The following HIVEP2 variants were observed in gnomAD, a reference collection of about 807,000 sequenced individuals.
HIVEP2 encodes transcription factor HIVEP2.
A neutral mutation model predicts 180.7 loss-of-function variants in HIVEP2; 14 were observed. That is an observed-to-expected ratio of 0.08 (90% CI 0.05 to 0.12). The LOEUF (loss-of-function observed/expected upper bound fraction) is 0.12, where lower values mean the gene tolerates loss of function less well. HIVEP2 is among the 10% of genes least tolerant of loss of function. The probability of loss-of-function intolerance (pLI) is 1.00; values close to 1 mark genes in which losing one functional copy is unlikely to be tolerated. For synonymous variants in HIVEP2, 1,184 were observed against 1,136.4 expected (o/e 1.04, Z -0.84); for missense variants, 2,579 against 3,008.5 (o/e 0.86, Z 3.34).
intron 1 of HIVEP2, among the ~76,000 whole-genome samples, chr6:142,907,157 T>C (rs1337171771): frequency 2.0e-5 from 3 of 152,250 alleles, no homozygotes; most frequent in Admixed American, 6.5e-5. Context: ...GCCCAAGTGC[T>C]TAAAAAGTTT....
chr6:142,800,053 A>T (rs1242674236), intron 2 of HIVEP2, among the ~76,000 whole-genome samples: 1 of 152,162 alleles, frequency 6.6e-6, no homozygotes, highest in East Asian at 1.9e-4. Flanking sequence ...TAAGCAGCAA[A>T]TATTTTCCCT....
intron 1 of HIVEP2, among the ~76,000 whole-genome samples, chr6:142,867,675 T>C (rs1776174614): frequency 6.6e-6 from 1 of 152,194 alleles, no homozygotes; most frequent in Non-Finnish European, 1.5e-5. Context: ...AAAGTTTTCC[T>C]GAGCCAATCA....
At chr6:142,923,057 G>C (rs1043138153) in intron 1 of HIVEP2, among the ~76,000 whole-genome samples, 14 of 152,282 alleles carry the variant, frequency 9.2e-5, no homozygotes, top group African/African-American at 2.9e-4. Flanking sequence ...ATTTAGGCCA[G>C]GCGCGGTGGC....
chr6:142,768,848 G>T (rs912252578), intron 5 of HIVEP2, among the ~76,000 whole-genome samples: 1 of 152,062 alleles, frequency 6.6e-6, no homozygotes, highest in Non-Finnish European at 1.5e-5. Context: ...ATGTTTTGAA[G>T]TAGCAATGAA....
rs13213780 is a variant in HIVEP2 at position 142,771,850 on chromosome 6, G to A, written c.2889C>T (p.Leu963=). 6.2e-7 allele frequency: 1 copy of A among 1,614,256 alleles called. No homozygotes were observed. Among genetic ancestry groups the A allele is most frequent in the South Asian group, 1.1e-5 (1 of 91,088 alleles). Reference sequence around the variant, plus strand: ...TGCTTTCTTGGCTGGGGCTGCGGGAGAGGCCTGTGCCTGTGGATTCAAAGC... The same window carrying A: ...TGCTTTCTTGGCTGGGGCTGCGGGAAAGGCCTGTGCCTGTGGATTCAAAGC... ...ESSFESTGTG[L]SRSPSQESNL... The change falls in exon 5 of 10, where the codon CTC becomes CTT. Residue 963 remains leucine, a synonymous_variant. Coordinates refer to ENST00000367603, the MANE Select transcript of HIVEP2 (RefSeq NM_006734.4). The surrounding 1 kb of genome is among the most constrained non-coding windows in gnomAD (Gnocchi z 5.4).
chr6:142,760,422 C>T lies in HIVEP2; in HGVS notation c.5866G>A (p.Gly1956Arg), dbSNP rs772803795. 1.5e-5 allele frequency: 24 copies of T among 1,614,114 alleles called. No individual in the cohort carries two copies. The highest frequency in any genetic ancestry group is 3.3e-4 in the Middle Eastern group (2 of 6,062). ...LPVNVGAVPH[G>R]VPSDSSLGHS... Reference sequence around the variant, plus strand: ...CCCAGGGAACTATCTGAAGGAACCCCGTGGGGTACGGCGCCAACATTCACA... The same window carrying T: ...CCCAGGGAACTATCTGAAGGAACCCTGTGGGGTACGGCGCCAACATTCACA... Residue 1956 changes from glycine (G) to arginine (R), a missense_variant, in exon 9 of 10, where the codon GGG (glycine) becomes AGG (arginine). This residue lies in a region of HIVEP2 where 660 missense variants were observed against 731.7 expected (regional missense o/e 0.90). Coordinates refer to ENST00000367603, the MANE Select transcript of HIVEP2 (RefSeq NM_006734.4).
intron 1 of HIVEP2, among the ~76,000 whole-genome samples, chr6:142,857,588 C>T (rs191642167): frequency 1.3e-5 from 2 of 152,170 alleles, no homozygotes; most frequent in African/African-American, 4.8e-5. Flanking sequence ...GAAAAACAAC[C>T]CTCTTTGCAA....
In HIVEP2 at chr6:142,783,504, A is replaced by C. The variant is rs180739237; in HGVS notation, c.-433+17T>G. 1 of 152,108 alleles carries C rather than the reference A, an allele frequency of 6.6e-6. No individual in the cohort carries two copies. The highest frequency in any genetic ancestry group is 2.4e-5 in the African/African-American group (1 of 41,434). The allele number at this position is 152,108 out of a possible 1,614,324, so 9.4% of individuals were successfully genotyped here. ...ATGTAACAAGAGAGTAAGAATAAAT[A>C]AATTTTAGTTATTAACCTGTTATCC... On this transcript the variant is annotated intron_variant, in intron 3 of 9. Coordinates refer to ENST00000367603, the MANE Select transcript of HIVEP2 (RefSeq NM_006734.4).
intron 1 of HIVEP2, among the ~76,000 whole-genome samples, chr6:142,842,505 G>C (rs1775391799): frequency 6.6e-6 from 1 of 151,036 alleles, no homozygotes; most frequent in Non-Finnish European, 1.5e-5. Context: ...TGTGTAGATA[G>C]GCAAATAAGA....
At chr6:142,918,097 T>C (rs1172360361) in intron 1 of HIVEP2, among the ~76,000 whole-genome samples, 1 of 151,786 alleles carries the variant, frequency 6.6e-6, no homozygotes, top group Admixed American at 6.6e-5. Context: ...ACAAGAACAA[T>C]GTGAGCCATG....
At chr6:142,763,932 T>C (rs1775319307) in intron 7 of HIVEP2, among the ~76,000 whole-genome samples, 2 of 152,200 alleles carry the variant, frequency 1.3e-5, no homozygotes, top group Non-Finnish European at 2.9e-5. Context: ...TAGGTATACA[T>C]TTCTCTACCA....
chr6:142,861,668 T>C (rs1200933451), intron 1 of HIVEP2, among the ~76,000 whole-genome samples: 1 of 152,202 alleles, frequency 6.6e-6, no homozygotes, highest in African/African-American at 2.4e-5. Context: ...AATCATCAAG[T>C]AAATGCCCTT....
intron 1 of HIVEP2, among the ~76,000 whole-genome samples, chr6:142,849,826 G>A (rs1020294648): frequency 3.3e-5 from 5 of 151,892 alleles, no homozygotes; most frequent in Admixed American, 6.6e-5. Flanking sequence ...GCCTAGAGTG[G>A]GTTTCTGTAA....
At chr6:142,892,328 A>G (rs1263163096) in intron 1 of HIVEP2, among the ~76,000 whole-genome samples, 2 of 152,154 alleles carry the variant, frequency 1.3e-5, no homozygotes, top group African/African-American at 4.8e-5. Flanking sequence ...GCACCTGGCT[A>G]AAAGTAGGGA....
chr6:142,772,177 C>T lies in HIVEP2; in HGVS notation c.2562G>A (p.Gly854=). 1 of 1,614,166 alleles carries T rather than the reference C, an allele frequency of 6.2e-7. No homozygotes were observed. The highest frequency in any genetic ancestry group is 1.1e-5 in the South Asian group (1 of 91,080). ...GTTTCCCCCCACTTTCTGCACCATC[C>T]CCAGGTGGAGCCCACTCAGGACTCA... ...APVSPEWAPP[G]DGAESGGKPS... Residue 854 remains glycine (G), a synonymous_variant, in exon 5 of 10, where the codon GGG becomes GGA. Coordinates refer to ENST00000367603, the MANE Select transcript of HIVEP2 (RefSeq NM_006734.4). The surrounding 1 kb of genome is among the most constrained non-coding windows in gnomAD (Gnocchi z 4.9).
At chr6:142,788,198 C>G (rs887245474) in intron 2 of HIVEP2, 3 of 152,078 alleles carry the variant, frequency 2.0e-5, no homozygotes, top group Non-Finnish European at 2.9e-5. Flanking sequence ...TTTACTTATA[C>G]CTAATGTTAA....
At chr6:142,801,321 A>T (rs904711107) in intron 2 of HIVEP2, among the ~76,000 whole-genome samples, 1 of 151,002 alleles carries the variant, frequency 6.6e-6, no homozygotes, top group Non-Finnish European at 1.5e-5. Flanking sequence ...CACCAGAAGA[A>T]TTGCTTGAAC....
In HIVEP2 at chr6:142,771,921, T is replaced by C; in HGVS notation, c.2818A>G (p.Lys940Glu). 6.2e-7 allele frequency: 1 copy of C among 1,614,200 alleles called. No homozygotes were observed. ...LPAEKLPPKK[K>E]RLRLADMEHS... ...TCCATATCTGCAAGTCGCAGACGCT[T>C]CTTTTTGGGTGGCAACTTCTCCGCG... The change falls in exon 5 of 10, where the codon AAG becomes GAG. Residue 940 changes from lysine (K) to glutamate (E), a missense_variant. Lys to Glu is a moderately conservative substitution (Grantham distance 56). Around this residue, in one of 11 missense-constraint regions of HIVEP2, gnomAD observed 51 missense variants for 102.8 expected, o/e 0.50. Coordinates refer to ENST00000367603, the MANE Select transcript of HIVEP2 (RefSeq NM_006734.4). This position sits in a 1 kb window ranked among gnomAD's most constrained non-coding sequence, Gnocchi z 5.4.
At chr6:142,931,034 C>T (rs573494981) in intron 1 of HIVEP2, among the ~76,000 whole-genome samples, 127 of 152,218 alleles carry the variant, frequency 8.3e-4, no homozygotes, top group Non-Finnish European at 1.3e-3. Context: ...ATTATTAAAT[C>T]TCAACTCTCT....
Sources: allele counts gnomAD v4.1 joint callset (sites outside exome capture counted in the v4.1 genomes callset), GRCh38; gene constraint gnomAD v4.1.1; regional missense constraint gnomAD v4.1.1; non-coding constraint Gnocchi (gnomAD v3.1); transcripts MANE v1.5; gene names NCBI Gene and HGNC (gene_info 2026-07-23, HGNC 2026-07-21).